Variants in CSMD1 observed in about 807,000 individuals in gnomAD.
CSMD1 encodes CUB and sushi domain-containing protein 1.
In CSMD1, 213 loss-of-function variants were observed where a neutral mutation model predicts 417.5. The observed-to-expected ratio is 0.51, with a 90% confidence interval of 0.46 to 0.57. The LOEUF (loss-of-function observed/expected upper bound fraction) is 0.57. CSMD1 is among the 20% of genes least tolerant of loss of function. CSMD1 has a pLI of 0.00. For synonymous variants in CSMD1, 2,862 were observed against 1,736.8 expected, an observed-to-expected ratio of 1.65 and a Z score of -16.11; for missense variants, 6,923 against 4,529.7, an observed-to-expected ratio of 1.53 and a Z score of -15.17.
At chr8:3,463,977 G>C (rs1816662464) in intron 12 of CSMD1, among the ~76,000 whole-genome samples, 1 of 152,138 alleles carries the variant, frequency 6.6e-6, no homozygotes, top group Non-Finnish European at 1.5e-5. Context: ...TCGGACGAAG[G>C]AGACAATTCC....
intron 1 of CSMD1, among the ~76,000 whole-genome samples, chr8:4,974,301 C>A (rs187329149): frequency 6.6e-6 from 1 of 152,020 alleles, no homozygotes; most frequent in Non-Finnish European, 1.5e-5. Flanking sequence ...GCTGGGATTA[C>A]AGGCGCAAGA....
intron 7 of CSMD1, among the ~76,000 whole-genome samples, chr8:3,617,369 G>A (rs542248608): frequency 1.3e-5 from 2 of 152,292 alleles, no homozygotes; most frequent in South Asian, 4.1e-4. Context: ...CACCATCACA[G>A]AATAATTTCT....
intron 3 of CSMD1, among the ~76,000 whole-genome samples, chr8:4,351,812 G>A (rs1022569464): frequency 6.6e-6 from 1 of 152,120 alleles, no homozygotes; most frequent in Non-Finnish European, 1.5e-5. Context: ...ATCTCAAAAG[G>A]AGCAGAGCAA....
In CSMD1 at chr8:4,172,102, C is replaced by A. The variant is rs1332558545; in HGVS notation, c.416-140003G>T. On this transcript the variant is annotated intron_variant, in intron 3 of 69. Coordinates refer to ENST00000635120, the MANE Select transcript of CSMD1 (RefSeq NM_033225.6). ...GGAAGGCGTATCACGGAGAGTTTAT[C>A]ATGCGGATCATTTCAGTAGGTGCAT... Among the ~76,000 whole-genome samples the A allele has an allele frequency of 2.0e-5, 3 of 152,192 alleles. No homozygotes were observed. The East Asian group carries it at 5.8e-4, about 29-fold the overall frequency.
chr8:4,036,274 A>G (rs908767736), intron 3 of CSMD1, among the ~76,000 whole-genome samples: 6 of 152,224 alleles, frequency 3.9e-5, no homozygotes, highest in African/African-American at 1.4e-4. Context: ...ACATATCTCA[A>G]GATGCTGTTG....
chr8:2,996,884 T>A (rs562837178), intron 54 of CSMD1, among the ~76,000 whole-genome samples: 8 of 152,354 alleles, frequency 5.3e-5, no homozygotes, highest in African/African-American at 1.9e-4. Context: ...TCAGTAACCA[T>A]GTTCCTCTCT....
chr8:3,667,638 C>T (rs937273780), intron 7 of CSMD1, among the ~76,000 whole-genome samples: 1 of 152,110 alleles, frequency 6.6e-6, no homozygotes, highest in Non-Finnish European at 1.5e-5. Context: ...ATTTGGGTTG[C>T]TCTGGAAACC....
At chr8:4,275,070 G>C (rs929491374) in intron 3 of CSMD1, among the ~76,000 whole-genome samples, 17 of 152,236 alleles carry the variant, frequency 1.1e-4, no homozygotes, top group African/African-American at 4.1e-4. Flanking sequence ...TTCTAACAAT[G>C]AGATTAGTGA....
At chr8:3,293,217 T>C (rs906985816) in intron 25 of CSMD1, among the ~76,000 whole-genome samples, 3 of 152,188 alleles carry the variant, frequency 2.0e-5, no homozygotes, top group Non-Finnish European at 2.9e-5. Context: ...ATGGGCTTCC[T>C]TTTGTGGGTA....
At chr8:3,341,513 C>G (rs987926759) in intron 23 of CSMD1, among the ~76,000 whole-genome samples, 3 of 152,106 alleles carry the variant, frequency 2.0e-5, no homozygotes, top group Non-Finnish European at 4.4e-5. Flanking sequence ...AAATAACACA[C>G]GAGCTGAGCA....
At chr8:3,987,368 T>G (rs1263107387) in intron 5 of CSMD1, among the ~76,000 whole-genome samples, 1 of 152,230 alleles carries the variant, frequency 6.6e-6, no homozygotes, top group East Asian at 1.9e-4. Flanking sequence ...GCTTATTTGT[T>G]GTTTATCACA....
rs367730492 is a variant in CSMD1, at chr8:3,052,601, G to C, written c.7521C>G (p.Thr2507=). The C allele has an allele frequency of 1.9e-6, 3 of 1,611,414 alleles. No homozygotes were observed. Among genetic ancestry groups the C allele is most frequent in the Non-Finnish European group, 2.5e-6 (3 of 1,178,900 alleles). The change falls in exon 50 of 70, where the codon ACC becomes ACG. Residue 2507 remains threonine (T), a synonymous_variant. Transcript: ENST00000635120. ...IPESPGNGSF[T]GNEFTLDSKV... Reference sequence around the variant, plus strand: ...TACTGTCCAAAGTGAACTCGTTCCCGGTAAATGAACCGTTTCCTGGGGATT... The same window carrying C: ...TACTGTCCAAAGTGAACTCGTTCCCCGTAAATGAACCGTTTCCTGGGGATT...
At chr8:3,049,555 G>C (rs1419403525) in intron 50 of CSMD1, among the ~76,000 whole-genome samples, 1 of 152,082 alleles carries the variant, frequency 6.6e-6, no homozygotes, top group South Asian at 2.1e-4. Flanking sequence ...GAAAGATCAA[G>C]GTCAGTGTTT....
At chr8:4,894,678 A>G (rs1226477316) in intron 1 of CSMD1, among the ~76,000 whole-genome samples, 1 of 148,928 alleles carries the variant, frequency 6.7e-6, no homozygotes, top group Non-Finnish European at 1.5e-5. Context: ...TTCTTGATTT[A>G]AGTCAAGTTA....
intron 26 of CSMD1, among the ~76,000 whole-genome samples, chr8:3,251,542 T>C (rs540466224): frequency 5.9e-5 from 9 of 152,340 alleles, no homozygotes; most frequent in South Asian, 4.1e-4. Context: ...GACTTGGCGA[T>C]GCGGGCTCTT....
intron 3 of CSMD1, among the ~76,000 whole-genome samples, chr8:4,231,774 C>T (rs1018057849): frequency 1.4e-4 from 22 of 152,172 alleles, no homozygotes; most frequent in Admixed American, 9.2e-4. Context: ...CATGCCACAG[C>T]CTCAGTCCCC....
At chr8:4,385,370 C>G (rs1323363185) in intron 3 of CSMD1, among the ~76,000 whole-genome samples, 1 of 152,150 alleles carries the variant, frequency 6.6e-6, no homozygotes, top group Non-Finnish European at 1.5e-5. Context: ...CCGACGTGGC[C>G]CCAGCCTTAA....
intron 1 of CSMD1, among the ~76,000 whole-genome samples, chr8:4,972,245 A>G (rs190581684): frequency 6.6e-6 from 1 of 151,570 alleles, no homozygotes. Flanking sequence ...TCACAAAACC[A>G]TGGAATGGGA....
At chr8:3,163,133 T>C (rs1288894710) in intron 37 of CSMD1, among the ~76,000 whole-genome samples, 1 of 152,234 alleles carries the variant, frequency 6.6e-6, no homozygotes, top group Non-Finnish European at 1.5e-5. Flanking sequence ...TGTTGATGGA[T>C]ATATTAATTT....
Sources: gnomAD v4.1 joint callset for allele counts (sites outside exome capture counted in the v4.1 genomes callset) on GRCh38, gnomAD v4.1.1 for gene constraint, MANE v1.5 for transcripts, NCBI Gene and HGNC (gene_info 2026-07-23, HGNC 2026-07-21) for gene names.